The following FILIP1L variants were observed in gnomAD, a reference collection of about 807,000 sequenced individuals.
FILIP1L encodes the protein filamin A-interacting protein 1-like.
Under a neutral mutation model 96.6 loss-of-function variants are expected in FILIP1L, and 55 were observed. The ratio of observed to expected loss-of-function variants is 0.57; its 90% CI spans 0.46 to 0.71. The LOEUF is 0.71. Among genes scored for constraint, FILIP1L ranks in the 30% least tolerant of loss-of-function variants. The pLI is 0.00. For missense variants in FILIP1L, 1,304 were observed against 1,321.2 expected, an observed-to-expected ratio of 0.99 and a Z score of 0.20; for synonymous variants, 467 against 473.9, an observed-to-expected ratio of 0.99 and a Z score of 0.19.
intron 4 of FILIP1L, among the ~76,000 whole-genome samples, chr3:99,886,808 A>C (rs1705914015): frequency 6.6e-6 from 1 of 151,814 alleles, no homozygotes; most frequent in African/African-American, 2.4e-5. Context: ...AGTATCTACC[A>C]AAAATACAAA....
At chr3:99,938,074 T>TGCGC (rs57534383) in intron 1 of FILIP1L, among the ~76,000 whole-genome samples, 1 of 85,210 alleles carries the variant, frequency 1.2e-5, no homozygotes, top group African/African-American at 4.0e-5. Context: ...TGTGTGTGTG[T>TGCGC]GCGCGCGCGC....
At chr3:99,924,589 A>T (rs1576576330) in intron 3 of FILIP1L, among the ~76,000 whole-genome samples, 181 bp from the exon 4 acceptor site, 1 of 152,004 alleles carries the variant, frequency 6.6e-6, no homozygotes, top group African/African-American at 2.4e-5. Flanking sequence ...CGCGATCTCG[A>T]CTCACTGCAA....
intron 1 of FILIP1L, among the ~76,000 whole-genome samples, chr3:99,958,073 A>G (rs181277589): frequency 6.7e-6 from 1 of 149,396 alleles, no homozygotes; most frequent in East Asian, 1.9e-4. Context: ...TTTTTTTTCA[A>G]TTTAAATTAA....
chr3:99,951,265 A>G (rs1192228269), intron 1 of FILIP1L, among the ~76,000 whole-genome samples: 1 of 152,144 alleles, frequency 6.6e-6, no homozygotes, highest in African/African-American at 2.4e-5. Flanking sequence ...TAGTAGCACT[A>G]AGACCTCCTT....
rs147669889 is a variant in FILIP1L, at chr3:99,942,157, G to A, written c.-10-11127C>T. ...TGGAGCTTTGTAGTGAGCCGAGATC[G>A]TGCCACTGCACTCCAGCCTGGGTGA... On this transcript the variant is annotated intron_variant, in intron 1 of 5. Coordinates refer to ENST00000477258, the MANE Select transcript of FILIP1L (RefSeq NM_001387850.1). Among the ~76,000 whole-genome samples the A allele has an allele frequency of 4.5e-3, 686 of 151,596 alleles. 7 individuals carry two copies. The highest frequency in any genetic ancestry group is 0.016 in the African/African-American group (670 of 41,298).
intron 1 of FILIP1L, among the ~76,000 whole-genome samples, chr3:99,959,917 A>G (rs575497577): frequency 6.6e-6 from 1 of 152,330 alleles, no homozygotes; most frequent in East Asian, 1.9e-4. Context: ...CCCATTGTAC[A>G]AAGGAGATGC....
At chr3:99,946,855 A>G (rs767163717) in intron 1 of FILIP1L, among the ~76,000 whole-genome samples, 5 of 152,318 alleles carry the variant, frequency 3.3e-5, no homozygotes, top group Admixed American at 6.5e-5. Flanking sequence ...GCCAATAGGC[A>G]CTGTCTCCAT....
chr3:100,016,213 A>C (rs1474912464), intron 1 of FILIP1L, among the ~76,000 whole-genome samples: 2 of 152,168 alleles, frequency 1.3e-5, no homozygotes, highest in East Asian at 3.9e-4. Context: ...TGTTTTTGAG[A>C]CGCAGTTTCA....
chr3:99,984,743 A>G (rs556826653), intron 1 of FILIP1L, among the ~76,000 whole-genome samples: 4 of 152,342 alleles, frequency 2.6e-5, no homozygotes, highest in South Asian at 2.1e-4. Context: ...AGAAAGATCT[A>G]TGTTTTACTC....
At chr3:99,901,444 C>A (rs1006941740) in intron 4 of FILIP1L, among the ~76,000 whole-genome samples, 1 of 152,140 alleles carries the variant, frequency 6.6e-6, no homozygotes, top group Non-Finnish European at 1.5e-5. Context: ...ATTTTCCTGT[C>A]CCTGGAGAAG....
chr3:100,013,425 G>C (rs1459674108), intron 1 of FILIP1L, among the ~76,000 whole-genome samples: 3 of 151,538 alleles, frequency 2.0e-5, no homozygotes, highest in Non-Finnish European at 4.4e-5. Flanking sequence ...TATATTTTTA[G>C]TAGAGACCGG....
intron 1 of FILIP1L, among the ~76,000 whole-genome samples, chr3:100,031,429 A>G (rs888730960): frequency 6.6e-6 from 1 of 152,086 alleles, no homozygotes; most frequent in African/African-American, 2.4e-5. Flanking sequence ...AGTTGGTGGT[A>G]GGGTTCACAT....
At chr3:100,068,691 G>A (rs1434333434) in intron 1 of FILIP1L, among the ~76,000 whole-genome samples, 1 of 152,040 alleles carries the variant, frequency 6.6e-6, no homozygotes, top group Non-Finnish European at 1.5e-5. Context: ...GCAGTTGCAC[G>A]ATCTCGGCTT....
At chr3:99,977,003 A>T (rs902394873) in intron 1 of FILIP1L, among the ~76,000 whole-genome samples, 3 of 152,176 alleles carry the variant, frequency 2.0e-5, no homozygotes, top group African/African-American at 7.2e-5. Flanking sequence ...CTAGCCTATG[A>T]TCACCGTTTA....
chr3:99,878,548 G>A (rs1297863657), intron 4 of FILIP1L, among the ~76,000 whole-genome samples: 1 of 152,172 alleles, frequency 6.6e-6, no homozygotes. Context: ...AGGTATGTTT[G>A]GTAAAGGAGT....
rs370856108 is a variant in FILIP1L at position 99,943,069 on chromosome 3, T to C, written c.-10-12039A>G. Among the ~76,000 whole-genome samples the C allele has an allele frequency of 1.2e-3, 176 of 152,288 alleles. No individual in the cohort carries two copies. In the East Asian group the frequency reaches 0.023, roughly 20 times the overall value. ...TTAGAACAACTTTGGACCTCCACTT[T>C]TGGAGTCATCTGCTTTGAAATATCC... On this transcript the variant is annotated intron_variant, in intron 1 of 5. Transcript: ENST00000477258.
At chr3:99,984,544 G>C (rs1413555594) in intron 1 of FILIP1L, among the ~76,000 whole-genome samples, 1 of 152,150 alleles carries the variant, frequency 6.6e-6, no homozygotes, top group Non-Finnish European at 1.5e-5. Flanking sequence ...CCTGGTCACT[G>C]AAACTCATTC....
At chr3:99,917,626 T>G (rs1411641959) in intron 4 of FILIP1L, among the ~76,000 whole-genome samples, 2 of 152,238 alleles carry the variant, frequency 1.3e-5, no homozygotes, top group African/African-American at 4.8e-5. Context: ...CTGTAATTTT[T>G]TATAGTTATC....
At chr3:100,071,285 G>A (rs192946011) in intron 1 of FILIP1L, among the ~76,000 whole-genome samples, 142 of 152,146 alleles carry the variant, frequency 9.3e-4, no homozygotes, top group African/African-American at 3.3e-3. Context: ...AACTAGCTGG[G>A]TAAGATGGAG....
Sources: gnomAD v4.1 joint callset for allele counts (sites outside exome capture counted in the v4.1 genomes callset) on GRCh38, gnomAD v4.1.1 for gene constraint, MANE v1.5 for transcripts, NCBI Gene and HGNC (gene_info 2026-07-23, HGNC 2026-07-21) for gene names.